The following PLXDC1 variants were observed in gnomAD, a reference collection of about 807,000 sequenced individuals.
PLXDC1 encodes the protein plexin domain-containing protein 1.
A neutral mutation model predicts 61.3 loss-of-function variants in PLXDC1; 39 were observed. The observed-to-expected ratio is 0.64, with a 90% CI of 0.49 to 0.83. The LOEUF is 0.83. Among genes scored for constraint, PLXDC1 ranks in the 40% least tolerant of loss-of-function variants. The probability of loss-of-function intolerance (pLI) is 0.00; values close to 1 mark genes in which losing one functional copy is unlikely to be tolerated. For missense variants in PLXDC1, 596 were observed against 666.5 expected (o/e 0.89, Z 1.17); for synonymous variants, 212 against 254.5 (o/e 0.83, Z 1.59).
intron 1 of PLXDC1, among the ~76,000 whole-genome samples, chr17:39,145,018 T>C (rs1746162702): frequency 6.6e-6 from 1 of 152,130 alleles, no homozygotes; most frequent in African/African-American, 2.4e-5. Flanking sequence ...ACAAAGACGT[T>C]AAGGAACCTC....
intron 1 of PLXDC1, 150 bp from the exon 2 acceptor site, chr17:39,139,982 A>G (rs1238427980): frequency 8.4e-6 from 6 of 717,018 alleles, no homozygotes; most frequent in African/African-American, 5.4e-5. Flanking sequence ...GAGACACCCA[A>G]TGTGTACTGA....
chr17:39,103,719 G>A (rs1469069317), intron 7 of PLXDC1, among the ~76,000 whole-genome samples: 1 of 151,640 alleles, frequency 6.6e-6, no homozygotes, highest in Non-Finnish European at 1.5e-5. Context: ...GGTGGCCGGC[G>A]CCTGTAATCC....
At chr17:39,120,703 C>T (rs1470602054) in intron 2 of PLXDC1, among the ~76,000 whole-genome samples, 5 of 148,854 alleles carry the variant, frequency 3.4e-5, no homozygotes, top group Admixed American at 6.7e-5. Context: ...GTGATCCTTC[C>T]GCCTCAGCCT....
intron 1 of PLXDC1, among the ~76,000 whole-genome samples, chr17:39,147,515 C>T (rs1350697374): frequency 6.6e-6 from 1 of 152,202 alleles, no homozygotes; most frequent in African/African-American, 2.4e-5. Context: ...AAACCCTAAA[C>T]TGAAATCCTG....
intron 2 of PLXDC1, among the ~76,000 whole-genome samples, chr17:39,132,249 C>T (rs576702128): frequency 5.9e-5 from 9 of 152,262 alleles, no homozygotes; most frequent in African/African-American, 1.7e-4. Flanking sequence ...AAGACCTCCC[C>T]TTTCCAGCCT....
intron 7 of PLXDC1, among the ~76,000 whole-genome samples, chr17:39,091,128 C>T (rs933171611): frequency 6.6e-6 from 1 of 152,214 alleles, no homozygotes; most frequent in Non-Finnish European, 1.5e-5. Context: ...CTAGCTTCCC[C>T]TTGTTTCTTC....
intron 9 of PLXDC1, chr17:39,081,463 A>AT (rs1296382370): frequency 6.4e-6 from 1 of 155,526 alleles, no homozygotes; most frequent in East Asian, 1.9e-4. Flanking sequence ...AAAAAAAAAA[A>AT]AAAAATACAA....
rs957384858 is a variant in PLXDC1 at position 39,151,595 on chromosome 17, G to T, written c.-158C>A. The T allele has an allele frequency of 2.6e-6, 3 of 1,159,698 alleles. No homozygotes were observed. Among genetic ancestry groups the T allele is most frequent in the African/African-American group, 3.2e-5 (2 of 61,716 alleles). The allele number at this position is 1,159,698 out of a possible 1,614,324, so 71.8% of individuals were successfully genotyped here. On this transcript the variant is annotated 5_prime_UTR_variant, in exon 1 of 14. Transcript: ENST00000315392. This position sits in a 1 kb window ranked among gnomAD's most constrained non-coding sequence, Gnocchi z 5.2. ...CGGGGCCGGGCGAGCCGGCAGGAGC[G>T]GCGAGAGCGCGAGCGGAGCTGGAGG...
At chr17:39,094,219 G>A (rs1910059906) in intron 7 of PLXDC1, among the ~76,000 whole-genome samples, 1 of 152,046 alleles carries the variant, frequency 6.6e-6, no homozygotes, top group Admixed American at 6.6e-5. Context: ...ATCTAGATGA[G>A]GATGGAAAGT....
At chr17:39,094,424 C>A (rs1339759213) in intron 7 of PLXDC1, among the ~76,000 whole-genome samples, 1 of 152,154 alleles carries the variant, frequency 6.6e-6, no homozygotes, top group African/African-American at 2.4e-5. Flanking sequence ...CTGCCTCATA[C>A]TTCAAGACTC....
At position 39,064,799 on chromosome 17, in the gene PLXDC1, A is replaced by T. The variant is rs958082147; in HGVS notation, c.*3041T>A. 2 of 152,274 alleles carry T rather than the reference A, an allele frequency of 1.3e-5. No homozygotes were observed. Among genetic ancestry groups the T allele is most frequent in the African/African-American group, 4.8e-5 (2 of 41,420 alleles). 9.4% of individuals were successfully genotyped at this position (152,274 alleles called of 1,614,324 possible). A position where few individuals can be genotyped will look rare whatever the true frequency, so the allele number is the denominator to read the frequency against. On this transcript the variant is annotated 3_prime_UTR_variant, in exon 14 of 14. Coordinates refer to ENST00000315392, the MANE Select transcript of PLXDC1 (RefSeq NM_020405.5). ...CCGGTGGAAGGAGGGTCTGAATTTG[A>T]GGAAGAAAAAGGACAGTGCAGCAAA...
At chr17:39,142,771 C>T (rs761469055) in intron 1 of PLXDC1, among the ~76,000 whole-genome samples, 11 of 152,194 alleles carry the variant, frequency 7.2e-5, no homozygotes, top group Non-Finnish European at 1.0e-4. Flanking sequence ...TGGGCTCTAG[C>T]GGTCCTTCCA....
chr17:39,139,313 T>C (rs1911855278), intron 2 of PLXDC1, among the ~76,000 whole-genome samples: 1 of 152,220 alleles, frequency 6.6e-6, no homozygotes, highest in Non-Finnish European at 1.5e-5. Context: ...GCAGCTGAGA[T>C]GTGACTCATA....
chr17:39,088,731 A>G (rs1027264004), intron 7 of PLXDC1, among the ~76,000 whole-genome samples: 1 of 152,060 alleles, frequency 6.6e-6, no homozygotes, highest in Admixed American at 6.6e-5. Flanking sequence ...ACTTGAGGTC[A>G]GGAGTTCGAG....
chr17:39,083,372 G>T, intron 9 of PLXDC1, 87 bp downstream of exon 9: 2 of 943,430 alleles, frequency 2.1e-6, no homozygotes, highest in East Asian at 2.6e-5. Context: ...GGCTGACTGT[G>T]GGCAGTGAGG....
At chr17:39,098,429 G>A (rs1471710323) in intron 7 of PLXDC1, among the ~76,000 whole-genome samples, 1 of 152,064 alleles carries the variant, frequency 6.6e-6, no homozygotes, top group Non-Finnish European at 1.5e-5. Flanking sequence ...CTTCAGCGGT[G>A]CCCTAACCCC....
intron 11 of PLXDC1, among the ~76,000 whole-genome samples, chr17:39,072,764 G>A (rs1909176232): frequency 1.3e-5 from 2 of 152,278 alleles, no homozygotes; most frequent in East Asian, 3.9e-4. Context: ...TCTGTGGGGC[G>A]ACAGAGAGAT....
intron 1 of PLXDC1, among the ~76,000 whole-genome samples, chr17:39,147,856 C>T (rs946857409): frequency 6.6e-6 from 1 of 152,104 alleles, no homozygotes; most frequent in African/African-American, 2.4e-5. Context: ...GACACAAGCC[C>T]TGTACCCAGG....
chr17:39,089,014 G>C (rs1025190131), intron 7 of PLXDC1, among the ~76,000 whole-genome samples: 1 of 144,014 alleles, frequency 6.9e-6, no homozygotes, highest in African/African-American at 2.6e-5. Flanking sequence ...AGAATAGAAA[G>C]AAAAGAAAGA....
Sources: gnomAD v4.1 joint callset for allele counts (sites outside exome capture counted in the v4.1 genomes callset) on GRCh38, gnomAD v4.1.1 for gene constraint, Gnocchi (gnomAD v3.1) non-coding constraint, MANE v1.5 for transcripts, NCBI Gene and HGNC (gene_info 2026-07-23, HGNC 2026-07-21) for gene names.